Variants in WLS observed in about 807,000 individuals in gnomAD.
WLS encodes Wnt ligand secretion mediator.
In WLS, 23 loss-of-function variants were observed where a neutral mutation model predicts 62.8. That is an observed-to-expected ratio of 0.37 (90% CI 0.26 to 0.52). The LOEUF is 0.52. Among genes scored for constraint, WLS ranks in the 20% least tolerant of loss-of-function variants. The pLI is 0.92. For missense variants in WLS, 615 were observed against 697.3 expected (o/e 0.88, Z 1.33); for synonymous variants, 246 against 244.1 (o/e 1.01, Z -0.07).
chr1:68,146,959 C>T (rs1646760368), intron 8 of WLS, among the ~76,000 whole-genome samples: 1 of 152,058 alleles, frequency 6.6e-6, no homozygotes, highest in Non-Finnish European at 1.5e-5. Context: ...AATCTTGGCT[C>T]ACCACAACCT....
At chr1:68,117,528 T>G (rs1009495271) in intron 11 of WLS, 10 of 152,394 alleles carry the variant, frequency 6.6e-5, no homozygotes, top group African/African-American at 2.4e-4. Context: ...TCCTCTGCAC[T>G]GTGGCACAGA....
intron 11 of WLS, among the ~76,000 whole-genome samples, chr1:68,118,363 A>G (rs183534341): frequency 9.2e-5 from 14 of 152,322 alleles, no homozygotes; most frequent in African/African-American, 3.4e-4. Flanking sequence ...ACGTAGTGTC[A>G]GTGAGGATGC....
intron 10 of WLS, among the ~76,000 whole-genome samples, chr1:68,138,646 G>GTGTTAA (rs1646646172): frequency 6.6e-6 from 1 of 152,124 alleles, no homozygotes. Flanking sequence ...GCTTTTGTCT[G>GTGTTAA]TGTTAATGAT....
At chr1:68,178,065 G>T (rs1050382613) in intron 2 of WLS, among the ~76,000 whole-genome samples, 1 of 152,204 alleles carries the variant, frequency 6.6e-6, no homozygotes, top group African/African-American at 2.4e-5. Flanking sequence ...TGCTGGAGTT[G>T]TCTCTCCAAG....
chr1:68,157,815 C>T (rs1646919968), intron 3 of WLS, among the ~76,000 whole-genome samples: 1 of 152,202 alleles, frequency 6.6e-6, no homozygotes, highest in Non-Finnish European at 1.5e-5. Context: ...CCTCGCTACT[C>T]AGTGCCCTCC....
rs1646418390 is a variant in WLS at position 68,125,629 on chromosome 1, C to A, written c.*597G>T. The A allele has an allele frequency of 2.0e-6, 2 of 985,524 alleles. No individual in the cohort carries two copies. Among genetic ancestry groups the A allele is most frequent in the Non-Finnish European group, 2.4e-6 (2 of 830,032 alleles). The allele number at this position is 985,524 out of a possible 1,614,324, so 61.0% of individuals were successfully genotyped here. ...CAGATTTGGTTTCAAAGCTGAAATACCCCTGGTGGAATAAATCTTCTCATG... is the reference window on the plus strand; with the variant it reads ...CAGATTTGGTTTCAAAGCTGAAATAACCCTGGTGGAATAAATCTTCTCATG... On this transcript the variant is annotated 3_prime_UTR_variant, in exon 12 of 12. Coordinates refer to ENST00000262348, the MANE Select transcript of WLS (RefSeq NM_024911.7).
At chr1:68,152,216 G>A (rs889874030) in intron 5 of WLS, among the ~76,000 whole-genome samples, 21 of 152,216 alleles carry the variant, frequency 1.4e-4, no homozygotes, top group African/African-American at 5.1e-4. Flanking sequence ...TGCAAATGAA[G>A]ACATTAAGTA....
chr1:68,100,589 G>T (rs1207496557), intron 11 of WLS: 1 of 152,136 alleles, frequency 6.6e-6, no homozygotes, highest in Non-Finnish European at 1.5e-5. Context: ...AATTAAAATT[G>T]AATTGTCTAA....
At chr1:68,162,439 T>C in intron 2 of WLS, 1 of 1,613,680 alleles carries the variant, frequency 6.2e-7, no homozygotes, top group Non-Finnish European at 8.5e-7. Context: ...CAGGGATCGC[T>C]CGATCCCATC....
intron 6 of WLS, among the ~76,000 whole-genome samples, chr1:68,149,426 C>G (rs931618281): frequency 5.9e-5 from 9 of 152,068 alleles, no homozygotes; most frequent in Admixed American, 5.9e-4. Flanking sequence ...AGGAAGAAGT[C>G]TCTCTCTCTG....
intron 3 of WLS, among the ~76,000 whole-genome samples, chr1:68,158,293 AG>A (rs1646925061): frequency 6.6e-6 from 1 of 152,172 alleles, no homozygotes; most frequent in African/African-American, 2.4e-5. Context: ...GCTTTGTTCT[AG>A]GAAACCTGCG....
At chr1:68,168,331 A>G (rs997657750) in intron 2 of WLS, among the ~76,000 whole-genome samples, 2 of 152,186 alleles carry the variant, frequency 1.3e-5, no homozygotes, top group African/African-American at 4.8e-5. Context: ...GGATAGTACA[A>G]AGTGTATAAA....
chr1:68,161,955 C>T, intron 2 of WLS: 1 of 1,610,050 alleles, frequency 6.2e-7, no homozygotes, highest in Admixed American at 1.7e-5. Context: ...CACCATTGAG[C>T]TCAGGATGAA....
chr1:68,182,465 T>C (rs2100571281), intron 2 of WLS, among the ~76,000 whole-genome samples: 1 of 152,354 alleles, frequency 6.6e-6, no homozygotes, highest in Non-Finnish European at 1.5e-5. Flanking sequence ...AAACATCATG[T>C]CCCTAATCTT....
At chr1:68,110,961 T>C (rs1002504789) in intron 11 of WLS, among the ~76,000 whole-genome samples, 2 of 152,138 alleles carry the variant, frequency 1.3e-5, no homozygotes, top group African/African-American at 4.8e-5. Flanking sequence ...TTAGAATATT[T>C]TTATAATCTT....
At chr1:68,182,908 G>T (rs1377099521) in intron 2 of WLS, among the ~76,000 whole-genome samples, 4 of 151,934 alleles carry the variant, frequency 2.6e-5, no homozygotes, top group Non-Finnish European at 5.9e-5. Flanking sequence ...AATGTTAGAG[G>T]TTTTTTTTGT....
intron 1 of WLS, among the ~76,000 whole-genome samples, chr1:68,206,520 G>C (rs1260136381): frequency 6.6e-6 from 1 of 152,178 alleles, no homozygotes; most frequent in Non-Finnish European, 1.5e-5. Context: ...GGATGGAAAG[G>C]TGACTTTTAG....
chr1:68,120,359 C>T lies in WLS; in HGVS notation c.1510+17421G>A, dbSNP rs117783760. On this transcript the variant is annotated intron_variant, in intron 11 of 11. Coordinates refer to the WLS transcript ENST00000354777. ...CTCGATTTGGCCTGAAGAGGGCAGA[C>T]ACTTGCCATTCATGGAGGTGAAGAG... Among the ~76,000 whole-genome samples the T allele has an allele frequency of 9.1e-4, 139 of 152,346 alleles. 3 individuals carry two copies. The East Asian group carries it at 0.025, about 27-fold the overall frequency.
At chr1:68,117,451 G>C (rs1384561204) in intron 11 of WLS, 1 of 152,280 alleles carries the variant, frequency 6.6e-6, no homozygotes, top group Admixed American at 6.5e-5. Context: ...TTGCCAACAG[G>C]AGGCTCGTGT....
Sources: gnomAD v4.1 joint callset for allele counts (sites outside exome capture counted in the v4.1 genomes callset) on GRCh38, gnomAD v4.1.1 for gene constraint, MANE v1.5 for transcripts, NCBI Gene and HGNC (gene_info 2026-07-23, HGNC 2026-07-21) for gene names.